MEIS1: variants seen among roughly 807,000 people sequenced by gnomAD.
MEIS1 encodes homeobox protein Meis1.
In MEIS1, 5 loss-of-function variants were observed where a neutral mutation model predicts 50.8. The observed-to-expected ratio is 0.10, with a 90% confidence interval of 0.05 to 0.21. MEIS1 has a LOEUF of 0.21. Ranked by LOEUF, MEIS1 falls within the 10% of genes least tolerant of loss-of-function variation. The probability of loss-of-function intolerance (pLI) is 1.00; values close to 1 mark genes in which losing one functional copy is unlikely to be tolerated. For missense variants in MEIS1, 318 were observed against 517.3 expected (o/e 0.61, Z 3.74); for synonymous variants, 176 against 179.3 (o/e 0.98, Z 0.15).
chr2:66,528,852 C>A (rs1674321396), intron 8 of MEIS1, among the ~76,000 whole-genome samples: 1 of 152,130 alleles, frequency 6.6e-6, no homozygotes, highest in African/African-American at 2.4e-5. Flanking sequence ...GTGTGCCACT[C>A]AAGGACCCCT....
At chr2:66,558,007 C>T (rs1440395285) in intron 9 of MEIS1, among the ~76,000 whole-genome samples, 1 of 152,100 alleles carries the variant, frequency 6.6e-6, no homozygotes, top group African/African-American at 2.4e-5. Context: ...TGGCTGGGCA[C>T]AGTGGCTCAC....
intron 8 of MEIS1, among the ~76,000 whole-genome samples, chr2:66,539,882 G>A (rs981338520): frequency 1.2e-4 from 18 of 152,304 alleles, no homozygotes; most frequent in African/African-American, 4.3e-4. Context: ...TCAGGTAGGA[G>A]TGGAGGAGCA....
At chr2:66,567,361 T>C in intron 9 of MEIS1, 92 bp from the exon 10 acceptor site, 1 of 1,379,528 alleles carries the variant, frequency 7.2e-7, no homozygotes, top group South Asian at 1.2e-5. Context: ...CAAGATCTAG[T>C]TTTACTCCAA....
intron 10 of MEIS1, 75 bp downstream of exon 10, chr2:66,567,586 C>A: frequency 7.2e-7 from 1 of 1,387,222 alleles, no homozygotes; most frequent in Non-Finnish European, 1.0e-6. Context: ...GGGAGGTCCG[C>A]TACCTGGTAA....
At chr2:66,462,563 C>T (rs1672543932) in intron 6 of MEIS1, among the ~76,000 whole-genome samples, 1 of 152,180 alleles carries the variant, frequency 6.6e-6, no homozygotes, top group Non-Finnish European at 1.5e-5. Context: ...GGGTGCTGTA[C>T]CATTCTTTCT....
chr2:66,473,006 T>G (rs942825747), intron 7 of MEIS1, among the ~76,000 whole-genome samples: 2 of 152,126 alleles, frequency 1.3e-5, no homozygotes, highest in African/African-American at 4.8e-5. Flanking sequence ...ATGTATCAAA[T>G]AAAACCCACA....
chr2:66,548,133 T>C, intron 9 of MEIS1, 114 bp downstream of exon 9: 1 of 963,486 alleles, frequency 1.0e-6, no homozygotes, highest in Non-Finnish European at 1.6e-6. Context: ...CCTGGTGGCT[T>C]GTTGATTCAA....
intron 8 of MEIS1, among the ~76,000 whole-genome samples, chr2:66,540,515 G>A (rs1207605910): frequency 2.6e-5 from 4 of 151,950 alleles, no homozygotes; most frequent in Non-Finnish European, 2.9e-5. Flanking sequence ...TCCTCATGTC[G>A]GGCAAGTCCT....
intron 7 of MEIS1, among the ~76,000 whole-genome samples, chr2:66,487,773 T>C (rs1673177210): frequency 6.6e-6 from 1 of 152,210 alleles, no homozygotes; most frequent in African/African-American, 2.4e-5. Flanking sequence ...GGTGATTGAA[T>C]GTTTCCCGTC....
intron 8 of MEIS1, among the ~76,000 whole-genome samples, chr2:66,529,030 C>T (rs1416454479): frequency 6.6e-6 from 1 of 152,134 alleles, no homozygotes; most frequent in Admixed American, 6.5e-5. Context: ...TACATCACTT[C>T]CATGACCCCT....
chr2:66,568,601 T>G (rs1358170953), intron 10 of MEIS1, 66 bp from the exon 11 acceptor site: 2 of 1,206,320 alleles, frequency 1.7e-6, no homozygotes, highest in Non-Finnish European at 2.5e-6. Flanking sequence ...CCTCTTAGTC[T>G]CTCTTGGGCT....
intron 6 of MEIS1, chr2:66,445,066 A>G (rs558214195): frequency 3.9e-5 from 6 of 152,294 alleles, no homozygotes; most frequent in African/African-American, 9.6e-5. Flanking sequence ...TTGTTACCCA[A>G]TTCCCTTCAG....
At chr2:66,568,251 T>G (rs2103974994) in intron 10 of MEIS1, 1 of 167,224 alleles carries the variant, frequency 6.0e-6, no homozygotes, top group African/African-American at 2.4e-5. Flanking sequence ...AATATGCCAG[T>G]AAGATAACAA....
At chr2:66,516,060 T>C (rs1338879617) in intron 8 of MEIS1, among the ~76,000 whole-genome samples, 2 of 152,214 alleles carry the variant, frequency 1.3e-5, no homozygotes, top group East Asian at 3.8e-4. Flanking sequence ...CAAAGATATG[T>C]GTCCAAAGGC....
intron 9 of MEIS1, among the ~76,000 whole-genome samples, chr2:66,552,804 A>T (rs1054786827): frequency 4.6e-5 from 7 of 152,378 alleles, no homozygotes; most frequent in Admixed American, 4.6e-4. Flanking sequence ...ATAATCAAAG[A>T]TTCTATAAAT....
intron 7 of MEIS1, among the ~76,000 whole-genome samples, chr2:66,479,199 G>T (rs1314188963): frequency 2.0e-5 from 3 of 152,180 alleles, no homozygotes; most frequent in Admixed American, 6.5e-5. Context: ...GCAAGTACTT[G>T]TTGACCTTGA....
chr2:66,502,240 A>C (rs1673575263), intron 7 of MEIS1, among the ~76,000 whole-genome samples: 2 of 152,176 alleles, frequency 1.3e-5, no homozygotes, highest in Admixed American at 6.5e-5. Context: ...GGCTTCCCAA[A>C]TATAGGCAGG....
At chr2:66,561,145 T>A (rs1433693377) in intron 9 of MEIS1, among the ~76,000 whole-genome samples, 1 of 152,190 alleles carries the variant, frequency 6.6e-6, no homozygotes, top group Non-Finnish European at 1.5e-5. Context: ...ATTTTTTTAT[T>A]GTTGTTTAAA....
intron 7 of MEIS1, among the ~76,000 whole-genome samples, chr2:66,479,581 G>T (rs1053437723): frequency 6.6e-6 from 1 of 152,128 alleles, no homozygotes; most frequent in African/African-American, 2.4e-5. Flanking sequence ...CAGAGATGAA[G>T]ATCTTATAAA....
Sources: allele counts gnomAD v4.1 joint callset (sites outside exome capture counted in the v4.1 genomes callset), GRCh38; gene constraint gnomAD v4.1.1; transcripts MANE v1.5; gene names NCBI Gene and HGNC (gene_info 2026-07-23, HGNC 2026-07-21).